LRRC4C: variants seen among roughly 807,000 people sequenced by gnomAD.
The protein encoded by LRRC4C is leucine-rich repeat-containing protein 4C.
Under a neutral mutation model 33.6 loss-of-function variants are expected in LRRC4C, and 5 were observed. The observed-to-expected ratio is 0.15, with a 90% CI of 0.08 to 0.31. LRRC4C has a LOEUF of 0.31. Ranked by LOEUF, LRRC4C falls within the 10% of genes least tolerant of loss-of-function variation. The pLI is 1.00. For synonymous variants in LRRC4C, 329 were observed against 302.0 expected (o/e 1.09, Z -0.93); for missense variants, 560 against 796.7 (o/e 0.70, Z 3.58).
At chr11:40,531,263 C>G (rs1167277669) in intron 3 of LRRC4C, among the ~76,000 whole-genome samples, 1 of 152,050 alleles carries the variant, frequency 6.6e-6, no homozygotes, top group African/African-American at 2.4e-5. Flanking sequence ...TATTTGTAGC[C>G]AAAGTAATGC....
At chr11:40,447,459 A>C (rs936585232) in intron 3 of LRRC4C, among the ~76,000 whole-genome samples, 3 of 152,172 alleles carry the variant, frequency 2.0e-5, no homozygotes, top group Non-Finnish European at 2.9e-5. Context: ...GCCTGAGTTC[A>C]AGGGACCATT....
intron 1 of LRRC4C, among the ~76,000 whole-genome samples, chr11:41,370,118 T>C (rs968713758): frequency 1.3e-5 from 2 of 152,204 alleles, no homozygotes; most frequent in African/African-American, 4.8e-5. Context: ...TACTCACATT[T>C]CAGAAAATCT....
chr11:40,777,109 AT>A (rs1490124662), intron 2 of LRRC4C, among the ~76,000 whole-genome samples: 3 of 152,150 alleles, frequency 2.0e-5, no homozygotes, highest in African/African-American at 2.4e-5. Flanking sequence ...TGATTCAATT[AT>A]TTTGAATTTA....
chr11:40,873,570 G>C (rs1331378239), intron 2 of LRRC4C, among the ~76,000 whole-genome samples: 1 of 152,028 alleles, frequency 6.6e-6, no homozygotes, highest in Non-Finnish European at 1.5e-5. Flanking sequence ...AGAAAACAGG[G>C]GAGCCAATGG....
At chr11:41,289,317 T>C (rs1949926601) in intron 1 of LRRC4C, among the ~76,000 whole-genome samples, 1 of 152,182 alleles carries the variant, frequency 6.6e-6, no homozygotes, top group African/African-American at 2.4e-5. Context: ...TAATTAAGCA[T>C]ACCTATCACA....
At chr11:40,815,365 G>A in intron 2 of LRRC4C, among the ~76,000 whole-genome samples, 1 of 152,072 alleles carries the variant, frequency 6.6e-6, no homozygotes, top group Non-Finnish European at 1.5e-5. Context: ...CAACATGTGG[G>A]GATTATGGGA....
chr11:40,186,905 G>A (rs1179907036), intron 5 of LRRC4C, among the ~76,000 whole-genome samples: 2 of 152,128 alleles, frequency 1.3e-5, no homozygotes, highest in Non-Finnish European at 2.9e-5. Flanking sequence ...TGTGGCTGGG[G>A]CCCCTCTGTC....
intron 1 of LRRC4C, among the ~76,000 whole-genome samples, chr11:41,116,294 T>A (rs774644674): frequency 2.6e-5 from 4 of 152,126 alleles, no homozygotes; most frequent in Non-Finnish European, 5.9e-5. Context: ...TAAAATTGAA[T>A]CATAAAATAC....
intron 3 of LRRC4C, among the ~76,000 whole-genome samples, chr11:40,572,859 T>C (rs1958039406): frequency 6.6e-6 from 1 of 152,330 alleles, no homozygotes; most frequent in Non-Finnish European, 1.5e-5. Context: ...TATTATAATA[T>C]CATTTGGTAT....
At chr11:41,182,109 T>C (rs1945478406) in intron 1 of LRRC4C, among the ~76,000 whole-genome samples, 1 of 152,172 alleles carries the variant, frequency 6.6e-6, no homozygotes, top group Admixed American at 6.5e-5. Flanking sequence ...AATGGTCATG[T>C]TGGAAATACT....
chr11:40,536,651 G>A (rs191257281), intron 3 of LRRC4C, among the ~76,000 whole-genome samples: 150 of 152,026 alleles, frequency 9.9e-4, no homozygotes, highest in Non-Finnish European at 1.5e-3. Flanking sequence ...GCCATCTAAC[G>A]TTAGAACCTT....
At chr11:40,739,768 C>T (rs915343378) in intron 2 of LRRC4C, among the ~76,000 whole-genome samples, 2 of 152,022 alleles carry the variant, frequency 1.3e-5, no homozygotes, top group African/African-American at 4.8e-5. Flanking sequence ...CCTGCCTCCT[C>T]TTCTGCCATC....
At chr11:40,680,750 A>G (rs879471067) in intron 2 of LRRC4C, among the ~76,000 whole-genome samples, 33 of 152,208 alleles carry the variant, frequency 2.2e-4, no homozygotes, top group Admixed American at 1.4e-3. Context: ...GCCCAATCTC[A>G]GGTATGTCTT....
intron 2 of LRRC4C, among the ~76,000 whole-genome samples, chr11:40,673,046 CAGTT>C (rs1161666799): frequency 6.7e-6 from 1 of 150,200 alleles, no homozygotes; most frequent in African/African-American, 2.5e-5. Context: ...AAAAAAAAAA[CAGTT>C]AAGTAGCAAG....
At chr11:41,012,784 C>T (rs1188870667) in intron 1 of LRRC4C, among the ~76,000 whole-genome samples, 1 of 152,114 alleles carries the variant, frequency 6.6e-6, no homozygotes, top group Admixed American at 6.6e-5. Context: ...GACATTTTAA[C>T]TGGGGTGAGA....
chr11:40,413,251 C>T (rs898103915), intron 3 of LRRC4C, among the ~76,000 whole-genome samples: 25 of 151,910 alleles, frequency 1.6e-4, no homozygotes, highest in African/African-American at 5.8e-4. Context: ...GAGGAAGCTC[C>T]ATCAAGATGA....
At chr11:40,247,172 G>A (rs190229694) in intron 4 of LRRC4C, among the ~76,000 whole-genome samples, 58 of 151,046 alleles carry the variant, frequency 3.8e-4, no homozygotes, top group Non-Finnish European at 7.7e-4. Context: ...GTCTACTATC[G>A]GCATCAACAT....
Position 40,839,107 on chromosome 11 carries a change from A to C in LRRC4C, c.-407+94528T>G, listed in dbSNP as rs573124095. Among the ~76,000 whole-genome samples the C allele has an allele frequency of 2.0e-5, 3 of 152,320 alleles. No homozygotes were observed. In the South Asian group the frequency reaches 6.2e-4, roughly 32 times the overall value. The stretch of plus-strand genomic sequence containing the variant: ...TTTATATTTTCCTGTTGTATATACA[A>C]GTGCAATACTGTCTCTAAATTTTGC... On this transcript the variant is annotated intron_variant, in intron 2 of 6. Coordinates refer to ENST00000528697, the MANE Select transcript of LRRC4C (RefSeq NM_001258419.2).
chr11:40,887,025 A>G (rs10768641), intron 2 of LRRC4C, among the ~76,000 whole-genome samples: 1 of 149,262 alleles, frequency 6.7e-6, no homozygotes, highest in South Asian at 2.1e-4. Flanking sequence ...CACATACGAG[A>G]AAATATATAT....
Sources: allele counts gnomAD v4.1 joint callset (sites outside exome capture counted in the v4.1 genomes callset), GRCh38; gene constraint gnomAD v4.1.1; transcripts MANE v1.5; gene names NCBI Gene and HGNC (gene_info 2026-07-23, HGNC 2026-07-21).